The following TCAIM variants were observed in gnomAD, a reference collection of about 807,000 sequenced individuals.
TCAIM encodes T-cell activation inhibitor, mitochondrial.
In TCAIM, 36 loss-of-function variants were observed where a neutral mutation model predicts 58.6. That is an observed-to-expected ratio of 0.61 (90% CI 0.47 to 0.81). TCAIM has a LOEUF of 0.81. TCAIM is among the 30% of genes least tolerant of loss of function. TCAIM has a pLI of 0.00. For synonymous variants in TCAIM, 172 were observed against 193.6 expected (o/e 0.89, Z 0.93); for missense variants, 466 against 579.6 (o/e 0.80, Z 2.01).
Position 44,408,888 on chromosome 3 carries a change from C to T in TCAIM, c.*1206C>T, listed in dbSNP as rs1295492272. ...AGCCGAGAGACCTGATCTCTGGATT[C>T]AGTGCTTTTAGCTCTTCGAGTTTAC... On this transcript the variant is annotated 3_prime_UTR_variant, in exon 11 of 11. Transcript: ENST00000342649. The T allele has an allele frequency of 1.3e-5, 2 of 152,156 alleles. No individual in the cohort carries two copies. Among genetic ancestry groups the T allele is most frequent in the Admixed American group, 6.5e-5 (1 of 15,274 alleles). 9.4% of individuals were successfully genotyped at this position (152,156 alleles called of 1,614,324 possible).
At chr3:44,379,369 G>T (rs998684650) in intron 5 of TCAIM, among the ~76,000 whole-genome samples, 1 of 152,064 alleles carries the variant, frequency 6.6e-6, no homozygotes, top group African/African-American at 2.4e-5. Flanking sequence ...TCACTACGGG[G>T]TTTATACCCA....
chr3:44,397,572 T>C (rs1004571692), intron 8 of TCAIM, among the ~76,000 whole-genome samples: 7 of 152,232 alleles, frequency 4.6e-5, no homozygotes, highest in African/African-American at 1.7e-4. Context: ...TTGTGACTAT[T>C]ACAAATAAAG....
chr3:44,345,379 A>G (rs1469780894), intron 1 of TCAIM, among the ~76,000 whole-genome samples: 1 of 152,188 alleles, frequency 6.6e-6, no homozygotes, highest in Non-Finnish European at 1.5e-5. Context: ...GACCCAGGAC[A>G]TCCAACTAGA....
intron 5 of TCAIM, among the ~76,000 whole-genome samples, chr3:44,381,677 A>G (rs1701657386): frequency 1.3e-5 from 2 of 152,146 alleles, no homozygotes; most frequent in South Asian, 4.1e-4. Flanking sequence ...CTACTTGGAA[A>G]GGAAGAGGTA....
At chr3:44,399,226 G>A (rs1276708228) in intron 8 of TCAIM, among the ~76,000 whole-genome samples, 1 of 152,072 alleles carries the variant, frequency 6.6e-6, no homozygotes, top group East Asian at 1.9e-4. Flanking sequence ...GTGATATTAT[G>A]GCAATAATTG....
chr3:44,372,510 A>G (rs1225777675), intron 5 of TCAIM, among the ~76,000 whole-genome samples: 1 of 152,230 alleles, frequency 6.6e-6, no homozygotes, highest in Non-Finnish European at 1.5e-5. Flanking sequence ...CAGAAGTAGC[A>G]TAAAAATGGT....
In TCAIM at chr3:44,409,424, C is replaced by A. The variant is rs1033147178; in HGVS notation, c.*1742C>A. The A allele has an allele frequency of 6.6e-6, 1 of 152,172 alleles. No homozygotes were observed. The highest frequency in any genetic ancestry group is 1.5e-5 in the Non-Finnish European group (1 of 68,022). 9.4% of individuals were successfully genotyped at this position (152,172 alleles called of 1,614,324 possible). On this transcript the variant is annotated 3_prime_UTR_variant, in exon 11 of 11. Coordinates refer to ENST00000342649, the MANE Select transcript of TCAIM (RefSeq NM_173826.4). ...ATTGGATTTTTTCTCAGAACTGTTA[C>A]ATAATAAATAATACATCAACCAGAT...
chr3:44,395,464 G>A (rs1233935715), intron 6 of TCAIM, among the ~76,000 whole-genome samples: 1 of 152,058 alleles, frequency 6.6e-6, no homozygotes, highest in African/African-American at 2.4e-5. Context: ...AAAACCTTAG[G>A]AAGGCTAAAA....
At position 44,367,687 on chromosome 3, in the gene TCAIM, C is replaced by A; in HGVS notation, c.551C>A (p.Ser184Ter). ...CCTGATGAAGACCTTGAACAAGTCT[C>A]GAGAGTGGAAACAACTCTCACGTAT... is the stretch of plus-strand genomic sequence containing the variant. ...KDPDEDLEQV[S>*]RVETTLTSWL... The change falls in exon 5 of 11, where the codon TCG (serine) becomes TAG (stop). Residue 184 changes from serine (S) to a stop codon, truncating the protein, a stop_gained. Transcript: ENST00000342649. LOFTEE classifies it high-confidence loss of function. 6.2e-7 allele frequency: 1 copy of A among 1,611,644 alleles called. No homozygotes were observed. Among genetic ancestry groups the A allele is most frequent in the Non-Finnish European group, 8.5e-7 (1 of 1,178,270 alleles).
intron 2 of TCAIM, 116 bp from the exon 3 acceptor site, chr3:44,357,625 G>A: frequency 1.5e-6 from 2 of 1,329,648 alleles, no homozygotes; most frequent in East Asian, 2.5e-5. Context: ...AAACCACAAA[G>A]TATCTATCTT....
chr3:44,345,533 T>C (rs978316706), intron 1 of TCAIM, among the ~76,000 whole-genome samples: 3 of 150,768 alleles, frequency 2.0e-5, no homozygotes, highest in East Asian at 1.9e-4. Flanking sequence ...CAGAGTCCCC[T>C]TTTTTTTTAG....
At chr3:44,380,853 A>G (rs1201276627) in intron 5 of TCAIM, among the ~76,000 whole-genome samples, 4 of 152,196 alleles carry the variant, frequency 2.6e-5, no homozygotes, top group Admixed American at 2.6e-4. Context: ...AATAAAGATT[A>G]TAAGAGAGTA....
intron 5 of TCAIM, among the ~76,000 whole-genome samples, chr3:44,380,993 C>T (rs1305722411): frequency 1.3e-5 from 2 of 152,068 alleles, no homozygotes; most frequent in Non-Finnish European, 2.9e-5. Flanking sequence ...TTTTAAATTT[C>T]CCAACAAAGA....
chr3:44,399,702 TCTTA>T, intron 8 of TCAIM, among the ~76,000 whole-genome samples: 1 of 152,226 alleles, frequency 6.6e-6, no homozygotes, highest in Admixed American at 6.5e-5. Context: ...CATTTCTAAA[TCTTA>T]CTTAATGTTT....
chr3:44,339,334 T>C (rs1700805985), intron 1 of TCAIM, among the ~76,000 whole-genome samples: 1 of 152,322 alleles, frequency 6.6e-6, no homozygotes, highest in East Asian at 1.9e-4. Flanking sequence ...TGGCATGATA[T>C]TAATTTTGTT....
At chr3:44,345,379 A>C (rs1469780894) in intron 1 of TCAIM, among the ~76,000 whole-genome samples, 1 of 152,188 alleles carries the variant, frequency 6.6e-6, no homozygotes, top group Non-Finnish European at 1.5e-5. Context: ...GACCCAGGAC[A>C]TCCAACTAGA....
intron 5 of TCAIM, among the ~76,000 whole-genome samples, chr3:44,369,827 A>C (rs2125638902): frequency 6.6e-6 from 1 of 152,296 alleles, no homozygotes; most frequent in Non-Finnish European, 1.5e-5. Context: ...ATTGAACTGA[A>C]CTAAAGAATT....
intron 4 of TCAIM, among the ~76,000 whole-genome samples, chr3:44,365,845 T>C (rs1183419487): frequency 1.3e-5 from 2 of 152,204 alleles, no homozygotes; most frequent in African/African-American, 4.8e-5. Flanking sequence ...TAATTTTAAA[T>C]TGCCACATGT....
chr3:44,381,685 G>A (rs1254000487), intron 5 of TCAIM, among the ~76,000 whole-genome samples: 1 of 152,044 alleles, frequency 6.6e-6, no homozygotes, highest in Non-Finnish European at 1.5e-5. Flanking sequence ...AAAGGAAGAG[G>A]TAAAATTATC....
Sources: allele counts gnomAD v4.1 joint callset (sites outside exome capture counted in the v4.1 genomes callset), GRCh38; gene constraint gnomAD v4.1.1; transcripts MANE v1.5; gene names NCBI Gene and HGNC (gene_info 2026-07-23, HGNC 2026-07-21).